The following RASSF8 variants were observed in gnomAD, a reference collection of about 807,000 sequenced individuals.
RASSF8 encodes ras association domain-containing protein 8.
A neutral mutation model predicts 48.5 loss-of-function variants in RASSF8; 22 were observed. The ratio of observed to expected loss-of-function variants is 0.45; its 90% CI spans 0.32 to 0.65. The LOEUF (loss-of-function observed/expected upper bound fraction) is 0.65. Ranked by LOEUF, RASSF8 falls within the 30% of genes least tolerant of loss-of-function variation. RASSF8 has a pLI of 0.03. For synonymous variants in RASSF8, 127 were observed against 171.5 expected (o/e 0.74, Z 2.03); for missense variants, 418 against 489.2 (o/e 0.85, Z 1.37).
upstream of RASSF8, chr12:25,958,334 C>T (rs1941127454): frequency 6.6e-6 from 1 of 151,894 alleles, no homozygotes; most frequent in Non-Finnish European, 1.5e-5. Context: ...TTCGGGTCCT[C>T]AGGCCTCGGT....
At chr12:26,034,377 A>G (rs1419638078) in intron 2 of RASSF8, among the ~76,000 whole-genome samples, 3 of 150,470 alleles carry the variant, frequency 2.0e-5, no homozygotes, top group African/African-American at 7.4e-5. Context: ...TGGGCAACAC[A>G]TAAAATACAC....
intron 2 of RASSF8, among the ~76,000 whole-genome samples, chr12:26,001,138 C>T (rs1942248121): frequency 1.3e-5 from 2 of 151,304 alleles, no homozygotes; most frequent in African/African-American, 4.9e-5. Flanking sequence ...GTGCATTTCA[C>T]CACACCCAGC....
intron 1 of RASSF8, among the ~76,000 whole-genome samples, chr12:25,980,498 G>T (rs921703080): frequency 2.6e-5 from 4 of 152,146 alleles, no homozygotes; most frequent in East Asian, 1.9e-4. Context: ...TCCAAACAGG[G>T]TTTGATTTTT....
intron 2 of RASSF8, among the ~76,000 whole-genome samples, chr12:26,039,383 A>C (rs1375795432): frequency 6.7e-6 from 1 of 149,614 alleles, no homozygotes; most frequent in African/African-American, 2.5e-5. Context: ...TGGGTGTTAG[A>C]GGGTGGAGGG....
chr12:25,971,611 C>G (rs1034344390), intron 1 of RASSF8, among the ~76,000 whole-genome samples: 3 of 152,100 alleles, frequency 2.0e-5, no homozygotes, highest in Non-Finnish European at 4.4e-5. Context: ...TATTTTTTCA[C>G]CACTCTCAAC....
intron 2 of RASSF8, among the ~76,000 whole-genome samples, chr12:26,008,307 T>C (rs1336573625): frequency 6.6e-6 from 1 of 152,124 alleles, no homozygotes; most frequent in Non-Finnish European, 1.5e-5. Flanking sequence ...TAGATATAGA[T>C]AGATAATATT....
rs577129736 is a variant in RASSF8, at chr12:25,981,606, G to T, written c.-202-13431G>T. On this transcript the variant is annotated intron_variant, in intron 1 of 5. Transcript: ENST00000689635. ...TGCATTTACCATGCACTGATAAATT[G>T]TATGGTCACCCTGCATAATGTTAAT... 5.3e-5 allele frequency among the ~76,000 whole-genome samples: 8 copies of T among 152,336 alleles called. No individual in the cohort carries two copies. In the East Asian group the frequency reaches 1.5e-3, roughly 29 times the overall value.
chr12:26,000,549 C>T (rs1248355637), intron 2 of RASSF8, among the ~76,000 whole-genome samples: 3 of 151,886 alleles, frequency 2.0e-5, no homozygotes, highest in Admixed American at 6.6e-5. Flanking sequence ...TGTCACTTAA[C>T]GGGAATACAC....
intron 2 of RASSF8, among the ~76,000 whole-genome samples, chr12:26,051,774 G>A (rs933292363): frequency 3.9e-5 from 6 of 152,076 alleles, no homozygotes; most frequent in African/African-American, 1.4e-4. Context: ...TCTGGAGGTG[G>A]GCTTTGAATA....
chr12:26,038,626 C>T (rs1411855412), intron 2 of RASSF8, among the ~76,000 whole-genome samples: 1 of 131,278 alleles, frequency 7.6e-6, no homozygotes, highest in Admixed American at 7.3e-5. Flanking sequence ...CACACACACA[C>T]ACACACACAC....
At chr12:25,999,622 G>A (rs1442416390) in intron 2 of RASSF8, among the ~76,000 whole-genome samples, 2 of 152,134 alleles carry the variant, frequency 1.3e-5, no homozygotes, top group East Asian at 1.9e-4. Flanking sequence ...CAGCTACTCC[G>A]GAGGCTGAGG....
At chr12:26,066,185 G>A (rs576991902) in intron 4 of RASSF8, among the ~76,000 whole-genome samples, 18 of 152,280 alleles carry the variant, frequency 1.2e-4, no homozygotes, top group East Asian at 5.8e-4. Flanking sequence ...TGCTGTACGG[G>A]CCGTGCAGAC....
rs1405351694 is a variant in RASSF8 at position 26,022,049 on chromosome 12, C to T, written c.-109+26919C>T. On this transcript the variant is annotated intron_variant, in intron 2 of 5. Coordinates refer to ENST00000689635, the MANE Select transcript of RASSF8 (RefSeq NM_001394098.1). ...TCCCTCTTGAGGGGTCAGATCAAAC[C>T]TCAAAGACTGGCCAAAGAACCCCAC... Among the ~76,000 whole-genome samples, 4 of 152,118 alleles carry T rather than the reference C, an allele frequency of 2.6e-5. No individual in the cohort carries two copies. The East Asian group carries it at 7.7e-4, about 29-fold the overall frequency.
chr12:25,973,953 T>G (rs923648112), intron 1 of RASSF8: 2 of 152,170 alleles, frequency 1.3e-5, no homozygotes, highest in African/African-American at 4.8e-5. Context: ...CGTGTCCGGC[T>G]GCTGTAAATT....
chr12:26,057,021 A>G (rs993766854), intron 3 of RASSF8, among the ~76,000 whole-genome samples: 1 of 152,064 alleles, frequency 6.6e-6, no homozygotes. Context: ...AGTGCTAAAA[A>G]AGAAAAAAAA....
intron 1 of RASSF8, among the ~76,000 whole-genome samples, chr12:25,960,939 G>A (rs549252987): frequency 6.2e-4 from 95 of 152,328 alleles, no homozygotes; most frequent in African/African-American, 2.3e-3. Context: ...CATGTTTCCT[G>A]AATTTGGCAT....
At chr12:25,982,338 A>G (rs1797944) in intron 1 of RASSF8, among the ~76,000 whole-genome samples, 93,648 of 152,062 alleles carry the variant, frequency 0.62, 29,014 homozygotes, top group South Asian at 0.71. Flanking sequence ...GCAAGTGCAG[A>G]AATAAGGAAA....
intron 1 of RASSF8, among the ~76,000 whole-genome samples, chr12:25,991,138 A>G (rs920055172): frequency 1.3e-5 from 2 of 152,132 alleles, no homozygotes; most frequent in Non-Finnish European, 2.9e-5. Context: ...ACAATTAATC[A>G]GCTGTCATTA....
chr12:26,053,522 C>G (rs1049681015), intron 2 of RASSF8, among the ~76,000 whole-genome samples: 4 of 152,190 alleles, frequency 2.6e-5, no homozygotes, highest in African/African-American at 9.7e-5. Flanking sequence ...ATATAAAACT[C>G]TCCTTTGAAA....
Sources: gnomAD v4.1 joint callset for allele counts (sites outside exome capture counted in the v4.1 genomes callset) on GRCh38, gnomAD v4.1.1 for gene constraint, MANE v1.5 for transcripts, NCBI Gene and HGNC (gene_info 2026-07-23, HGNC 2026-07-21) for gene names.